MYOF: variants seen among roughly 807,000 people sequenced by gnomAD.
The protein encoded by MYOF is fer-1-like 3, myoferlin.
A neutral mutation model predicts 284.2 loss-of-function variants in MYOF; 244 were observed. The observed-to-expected ratio is 0.86, with a 90% CI of 0.77 to 0.95. MYOF has a LOEUF of 0.95. Ranked by LOEUF, MYOF falls within the 40% of genes least tolerant of loss-of-function variation. The pLI is 0.00. For missense variants in MYOF, 2,496 were observed against 2,560.6 expected (o/e 0.97, Z 0.54); for synonymous variants, 904 against 919.7 (o/e 0.98, Z 0.31).
At chr10:93,341,573 G>A (rs946514135) in intron 38 of MYOF, among the ~76,000 whole-genome samples, 2 of 152,132 alleles carry the variant, frequency 1.3e-5, no homozygotes, top group Admixed American at 6.5e-5. Context: ...CACTGTGCCC[G>A]GCCTAAAAGG....
intron 3 of MYOF, among the ~76,000 whole-genome samples, chr10:93,445,717 G>A (rs2056410619): frequency 6.6e-6 from 1 of 152,222 alleles, no homozygotes; most frequent in Non-Finnish European, 1.5e-5. Context: ...CCAGCTGACC[G>A]AGGCAGCTGG....
chr10:93,473,961 G>C (rs933900379), intron 1 of MYOF, among the ~76,000 whole-genome samples: 1 of 152,100 alleles, frequency 6.6e-6, no homozygotes, highest in Non-Finnish European at 1.5e-5. Context: ...CCTCGTGCTG[G>C]CCTCTTGCTG....
intron 3 of MYOF, among the ~76,000 whole-genome samples, chr10:93,448,028 T>C (rs2056482579): frequency 6.6e-6 from 1 of 152,182 alleles, no homozygotes; most frequent in Non-Finnish European, 1.5e-5. Context: ...GCCCGTGCCT[T>C]GGCCCCCAAA....
intron 50 of MYOF, among the ~76,000 whole-genome samples, chr10:93,316,191 C>G (rs1842603760): frequency 1.3e-5 from 2 of 151,814 alleles, no homozygotes; most frequent in African/African-American, 4.8e-5. Flanking sequence ...AAGACCAGAG[C>G]CTGGGAGAGT....
intron 4 of MYOF, among the ~76,000 whole-genome samples, chr10:93,428,385 T>A (rs1312887199): frequency 3.8e-5 from 5 of 133,318 alleles, no homozygotes; most frequent in East Asian, 4.5e-4. Context: ...TTTTTTTTTT[T>A]AATAGAGACG....
chr10:93,457,293 C>T (rs1427501181), intron 1 of MYOF, among the ~76,000 whole-genome samples: 1 of 152,154 alleles, frequency 6.6e-6, no homozygotes, highest in Admixed American at 6.6e-5. Context: ...TATTGAGGCT[C>T]AAAGAGTTAA....
At chr10:93,404,944 T>C (rs1401284539) in intron 7 of MYOF, among the ~76,000 whole-genome samples, 1 of 152,224 alleles carries the variant, frequency 6.6e-6, no homozygotes, top group Non-Finnish European at 1.5e-5. Context: ...TTTAACCATG[T>C]TAGGCTAATA....
intron 27 of MYOF, 95 bp downstream of exon 27, chr10:93,363,866 A>T (rs1161531876): frequency 1.0e-6 from 1 of 952,406 alleles, no homozygotes; most frequent in Non-Finnish European, 1.6e-6. Context: ...GGAGCGGAGG[A>T]GAGGTTAAAG....
chr10:93,334,983 C>T (rs556719046), intron 41 of MYOF, among the ~76,000 whole-genome samples: 3 of 152,142 alleles, frequency 2.0e-5, no homozygotes, highest in African/African-American at 7.2e-5. Context: ...CTTTGCCAAG[C>T]GTGGTTGCAG....
chr10:93,388,941 C>G, intron 18 of MYOF, 89 bp downstream of exon 18: 1 of 1,494,866 alleles, frequency 6.7e-7, no homozygotes, highest in Non-Finnish European at 9.0e-7. Context: ...TATGAAACTT[C>G]TATCCTGCAA....
chr10:93,469,301 T>C (rs1185192112), intron 1 of MYOF, among the ~76,000 whole-genome samples: 2 of 151,798 alleles, frequency 1.3e-5, no homozygotes, highest in Non-Finnish European at 2.9e-5. Flanking sequence ...CTTGGGAGGC[T>C]GAGGCAGGAG....
intron 1 of MYOF, among the ~76,000 whole-genome samples, chr10:93,480,288 C>T (rs567307872): frequency 5.3e-4 from 81 of 152,212 alleles, no homozygotes; most frequent in Admixed American, 1.2e-3. Flanking sequence ...TGGTAGTTTA[C>T]GCCTGTAATC....
chr10:93,307,168 A>G (rs549269316), intron 53 of MYOF, among the ~76,000 whole-genome samples, 167 bp from the exon 54 acceptor site: 70 of 146,946 alleles, frequency 4.8e-4, no homozygotes, highest in Non-Finnish European at 4.1e-4. Flanking sequence ...ACTGGCCTCT[A>G]CCCACCGAGT....
intron 5 of MYOF, among the ~76,000 whole-genome samples, chr10:93,424,268 G>A (rs941706007): frequency 6.6e-6 from 1 of 152,174 alleles, no homozygotes; most frequent in African/African-American, 2.4e-5. Context: ...ACTCCAGATA[G>A]CCCATCAATG....
chr10:93,340,091 AG>A (rs1187351092), intron 39 of MYOF, 61 bp downstream of exon 39: 259 of 1,566,546 alleles, frequency 1.7e-4, no homozygotes, highest in South Asian at 3.3e-4. Flanking sequence ...AAAAAAGAAA[AG>A]AAAAATTCTG....
At chr10:93,328,549 A>G (rs867471672) in intron 45 of MYOF, among the ~76,000 whole-genome samples, 2 of 152,238 alleles carry the variant, frequency 1.3e-5, no homozygotes, top group African/African-American at 4.8e-5. Flanking sequence ...GCTATAATCT[A>G]AAAAGGGCAA....
At chr10:93,347,871 C>G in intron 36 of MYOF, 89 bp from the exon 37 acceptor site, 1 of 1,315,000 alleles carries the variant, frequency 7.6e-7, no homozygotes, top group South Asian at 1.4e-5. Flanking sequence ...TCCAGATTCT[C>G]TCTGCCACAC....
chr10:93,405,345 G>A (rs1847505619), intron 7 of MYOF, among the ~76,000 whole-genome samples: 1 of 152,196 alleles, frequency 6.6e-6, no homozygotes, highest in African/African-American at 2.4e-5. Context: ...TAGGATCTAT[G>A]CAAGAATCAT....
intron 19 of MYOF, among the ~76,000 whole-genome samples, chr10:93,383,739 A>G (rs770065507): frequency 6.6e-6 from 1 of 152,150 alleles, no homozygotes; most frequent in South Asian, 2.1e-4. Context: ...AATAGGAAAC[A>G]TAATTTGTGG....
Sources: allele counts gnomAD v4.1 joint callset (sites outside exome capture counted in the v4.1 genomes callset), GRCh38; gene constraint gnomAD v4.1.1; transcripts MANE v1.5; gene names NCBI Gene and HGNC (gene_info 2026-07-23, HGNC 2026-07-21).